Variants in SCAF4 observed in about 807,000 individuals in gnomAD.
SCAF4 encodes the protein SR-related CTD associated factor 4, also known as SR-related and CTD-associated factor 4.
Under a neutral mutation model 129.8 loss-of-function variants are expected in SCAF4, and 25 were observed. The observed-to-expected ratio is 0.19, with a 90% CI of 0.14 to 0.27. SCAF4 has a LOEUF of 0.27. Ranked by LOEUF, SCAF4 falls within the 10% of genes least tolerant of loss-of-function variation. The probability of loss-of-function intolerance (pLI) is 1.00; values close to 1 mark genes in which losing one functional copy is unlikely to be tolerated. For synonymous variants in SCAF4, 551 were observed against 497.7 expected (o/e 1.11, Z -1.43); for missense variants, 1,246 against 1,457.1 (o/e 0.86, Z 2.36).
intron 19 of SCAF4, among the ~76,000 whole-genome samples, chr21:31,681,852 C>T (rs1433820306): frequency 6.6e-6 from 1 of 152,154 alleles, no homozygotes; most frequent in Non-Finnish European, 1.5e-5. Flanking sequence ...TGCCTCTTTC[C>T]AGTATAATCA....
At chr21:31,686,066 G>A (rs2123503041) in intron 16 of SCAF4, among the ~76,000 whole-genome samples, 1 of 152,104 alleles carries the variant, frequency 6.6e-6, no homozygotes, top group African/African-American at 2.4e-5. Flanking sequence ...AGCTGGGTGT[G>A]GTGGCAAGCA....
Position 31,701,768 on chromosome 21 carries a change from C to T in SCAF4, c.600+8G>A. ...GCAAACAATTTCACTTTTGAGTAGA[C>T]AGTTTACCTGTTGGCCTTGAGTTGT... On this transcript the variant is annotated splice_region_variant and intron_variant, in intron 6 of 19. Coordinates refer to ENST00000286835, the MANE Select transcript of SCAF4 (RefSeq NM_020706.2). 1.2e-6 allele frequency: 2 copies of T among 1,601,462 alleles called. No individual in the cohort carries two copies. The highest frequency in any genetic ancestry group is 1.7e-6 in the Non-Finnish European group (2 of 1,176,410).
intron 4 of SCAF4, among the ~76,000 whole-genome samples, chr21:31,702,856 AT>A (rs2050567586): frequency 6.6e-6 from 1 of 152,158 alleles, no homozygotes; most frequent in Admixed American, 6.5e-5. Flanking sequence ...TACTCAAGGA[AT>A]CATCTTGGTT....
chr21:31,731,406 G>A (rs2051353556), intron 1 of SCAF4, among the ~76,000 whole-genome samples: 1 of 152,218 alleles, frequency 6.6e-6, no homozygotes, highest in Admixed American at 6.5e-5. Flanking sequence ...GCTATGGGAG[G>A]CCGCAAGGGG....
chr21:31,707,109 G>A (rs1157226173), intron 1 of SCAF4, among the ~76,000 whole-genome samples: 6 of 152,076 alleles, frequency 3.9e-5, no homozygotes, highest in African/African-American at 1.4e-4. Context: ...GTTGTATTAT[G>A]GGAGGCTTTG....
intron 1 of SCAF4, among the ~76,000 whole-genome samples, chr21:31,710,759 T>C (rs1315520019): frequency 6.6e-6 from 1 of 152,172 alleles, no homozygotes; most frequent in Non-Finnish European, 1.5e-5. Context: ...GGCAATTAGG[T>C]GAATGCAAGT....
At position 31,672,344 on chromosome 21, in the gene SCAF4, T is replaced by C. The variant is rs1325664400; in HGVS notation, c.2499A>G (p.Gly833=). ...TQPVSLLGTQ[G]VAPGPVIGLQ... is the part of the protein sequence containing the mutation. Reference sequence around the variant, plus strand: ...GTCCAATTACAGGACCAGGGGCAACTCCTTGAGTGCCTAAAAGACGACAAA... The same window carrying C: ...GTCCAATTACAGGACCAGGGGCAACCCCTTGAGTGCCTAAAAGACGACAAA... Residue 833 remains glycine (G), a synonymous_variant, in exon 20 of 20, where the codon GGA becomes GGG. Coordinates refer to ENST00000286835, the MANE Select transcript of SCAF4 (RefSeq NM_020706.2). The C allele has an allele frequency of 6.2e-7, 1 of 1,612,472 alleles. No individual in the cohort carries two copies. The highest frequency in any genetic ancestry group is 8.5e-7 in the Non-Finnish European group (1 of 1,179,140).
intron 1 of SCAF4, chr21:31,706,724 AAAAGGG>A (rs1314242692): frequency 4.3e-6 from 1 of 230,696 alleles, no homozygotes; most frequent in African/African-American, 2.3e-5. Context: ...ATGTGCAAAC[AAAAGGG>A]AAAGGGAGGG....
At chr21:31,695,138 C>A (rs569387323) in intron 9 of SCAF4, among the ~76,000 whole-genome samples, 158 bp from the exon 10 acceptor site, 1 of 152,282 alleles carries the variant, frequency 6.6e-6, no homozygotes, top group Admixed American at 6.5e-5. Flanking sequence ...ACAATTTCCA[C>A]GCAAGAATTG....
intron 1 of SCAF4, among the ~76,000 whole-genome samples, chr21:31,709,023 G>A (rs1021011866): frequency 5.3e-5 from 8 of 152,078 alleles, no homozygotes; most frequent in Admixed American, 4.6e-4. Context: ...CAAATGTGAC[G>A]CCCTGTTTAC....
At position 31,685,635 on chromosome 21, in the gene SCAF4, A is replaced by T; in HGVS notation, c.2142T>A (p.Gly714=). The change falls in exon 17 of 20, where the codon GGT becomes GGA. Residue 714 remains glycine, a synonymous_variant. Transcript: ENST00000286835. Reference sequence around the variant, plus strand: ...GTGGAGGAGGAGGGGGAGGAGGAACACCAGGACCAAAGCCTGGAGGCGGTA... The same window carrying T: ...GTGGAGGAGGAGGGGGAGGAGGAACTCCAGGACCAAAGCCTGGAGGCGGTA... ...LGIPPPGFGP[G]VPPPPPPPPF... 2 of 1,614,114 alleles carry T rather than the reference A, an allele frequency of 1.2e-6. No homozygotes were observed. The highest frequency in any genetic ancestry group is 1.7e-6 in the Non-Finnish European group (2 of 1,180,014).
chr21:31,705,312 G>A (rs767379380), intron 3 of SCAF4, 111 bp downstream of exon 3: 6 of 537,790 alleles, frequency 1.1e-5, no homozygotes, highest in Non-Finnish European at 2.0e-5. Context: ...AGAACCTCTA[G>A]TGACTAAATT....
At chr21:31,702,047 G>C in intron 5 of SCAF4, 129 bp from the exon 6 acceptor site, 1 of 1,267,994 alleles carries the variant, frequency 7.9e-7, no homozygotes, top group Non-Finnish European at 1.1e-6. Context: ...TGTGGCACTA[G>C]AGTTTATACT....
chr21:31,676,470 T>C (rs530545209), intron 19 of SCAF4, among the ~76,000 whole-genome samples: 2 of 152,244 alleles, frequency 1.3e-5, no homozygotes, highest in East Asian at 1.9e-4. Context: ...ATCCCCAACA[T>C]TGGTTTTAAA....
At chr21:31,718,581 C>T (rs1429076765) in intron 1 of SCAF4, among the ~76,000 whole-genome samples, 1 of 152,178 alleles carries the variant, frequency 6.6e-6, no homozygotes, top group Non-Finnish European at 1.5e-5. Flanking sequence ...CAGGCGTGAG[C>T]CACCTCATCC....
chr21:31,692,618 A>G (rs1441652860), intron 12 of SCAF4, among the ~76,000 whole-genome samples, 169 bp from the exon 13 acceptor site: 1 of 152,250 alleles, frequency 6.6e-6, no homozygotes, highest in Non-Finnish European at 1.5e-5. Flanking sequence ...CTGCATTAGT[A>G]CTTCCAGAAA....
At position 31,694,228 on chromosome 21, in the gene SCAF4, T is replaced by A. The variant is rs2050327909; in HGVS notation, c.1298A>T (p.Lys433Met). The change falls in exon 11 of 20, where the codon AAG (lysine) becomes ATG (methionine). Residue 433 changes from lysine to methionine, a missense_variant. This residue lies in a region of SCAF4 where 468 missense variants were observed against 605.5 expected (regional missense o/e 0.77). Transcript: ENST00000286835. The stretch of plus-strand genomic sequence containing the variant: ...CCTGGATGCTGACCTAGATCTTGAC[T>A]TTCTGTTATCAGACATATGTCGCTT... The part of the protein sequence containing the change: ...EVKRHMSDNR[K>M]SRSRSASRSP... 1 of 1,609,072 alleles carries A rather than the reference T, an allele frequency of 6.2e-7. No homozygotes were observed. Among genetic ancestry groups the A allele is most frequent in the Non-Finnish European group, 8.5e-7 (1 of 1,176,312 alleles).
intron 19 of SCAF4, among the ~76,000 whole-genome samples, chr21:31,681,244 T>C (rs1205020934): frequency 1.3e-5 from 2 of 152,228 alleles, no homozygotes; most frequent in Non-Finnish European, 2.9e-5. Context: ...TGAATAAACA[T>C]ACTTGTCAAG....
intron 16 of SCAF4, 108 bp downstream of exon 16, chr21:31,688,199 T>C (rs2050175338): frequency 1.3e-6 from 1 of 742,156 alleles, no homozygotes; most frequent in Non-Finnish European, 2.0e-6. Flanking sequence ...AATATGCACA[T>C]ATATGTACTC....
Sources: gnomAD v4.1 joint callset for allele counts (sites outside exome capture counted in the v4.1 genomes callset) on GRCh38, gnomAD v4.1.1 for gene constraint, gnomAD v4.1.1 regional missense constraint, MANE v1.5 for transcripts, NCBI Gene and HGNC (gene_info 2026-07-23, HGNC 2026-07-21) for gene names.